The following RANBP2 variants were observed in gnomAD, a reference collection of about 807,000 sequenced individuals.
RANBP2 encodes the protein E3 SUMO-protein ligase RanBP2.
Under a neutral mutation model 303.6 loss-of-function variants are expected in RANBP2, and 57 were observed. The observed-to-expected ratio is 0.19, with a 90% CI of 0.15 to 0.23. The LOEUF is 0.23. Ranked by LOEUF, RANBP2 falls within the 10% of genes least tolerant of loss-of-function variation. RANBP2 has a pLI of 1.00. For synonymous variants in RANBP2, 1,167 were observed against 1,301.5 expected (o/e 0.90, Z 2.23); for missense variants, 3,138 against 3,780.8 (o/e 0.83, Z 4.46).
In RANBP2 at chr2:108,724,948, G is replaced by C. The variant is rs186695447; in HGVS notation, c.73-4184G>C. Among the ~76,000 whole-genome samples the C allele has an allele frequency of 2.4e-4, 36 of 152,204 alleles. No individual in the cohort carries two copies. The East Asian group carries it at 6.9e-3, about 29-fold the overall frequency. On this transcript the variant is annotated intron_variant, in intron 1 of 28. Transcript: ENST00000283195. ...ATTTGACTGTGCAAGATGGGCGACA[G>C]AGTGAGACTCCATCTGAATTAAAAA...
At chr2:108,725,418 T>G (rs550241800) in intron 1 of RANBP2, among the ~76,000 whole-genome samples, 2 of 152,178 alleles carry the variant, frequency 1.3e-5, no homozygotes, top group Non-Finnish European at 2.9e-5. Flanking sequence ...ATGGAATTAT[T>G]TTTCTATTAT....
the RANBP2 span, among the ~76,000 whole-genome samples, chr2:108,862,988 T>C: frequency 6.6e-6 from 1 of 152,220 alleles, no homozygotes; most frequent in Non-Finnish European, 1.5e-5. Flanking sequence ...TCAAAAACTT[T>C]GGACTATACT....
At chr2:108,843,879 T>TGTGTGTGTGTGTGTGTGTGTGTG in the RANBP2 span, among the ~76,000 whole-genome samples, 1 of 126,204 alleles carries the variant, frequency 7.9e-6, no homozygotes, top group Non-Finnish European at 1.7e-5. Context: ...TGTGTGTGTG[T>TGTGTGTGTGTGTGTGTGTGTGTG]TTCTTTCTTT....
At chr2:109,422,267 C>T in the RANBP2 span, among the ~76,000 whole-genome samples, 4 of 152,214 alleles carry the variant, frequency 2.6e-5, no homozygotes, top group African/African-American at 9.6e-5. Context: ...AGCCAGGGCC[C>T]AGATGGGGCT....
At chr2:109,333,948 G>T in the RANBP2 span, among the ~76,000 whole-genome samples, 2,730 of 152,300 alleles carry the variant, frequency 0.018, 98 homozygotes, top group African/African-American at 0.063. Flanking sequence ...ATGAGGACAT[G>T]CTCAGAGTAC....
the RANBP2 span, chr2:108,873,622 G>A: frequency 6.9e-7 from 1 of 1,447,080 alleles, no homozygotes; most frequent in Non-Finnish European, 9.6e-7. Flanking sequence ...ATTTTTTATT[G>A]AAAAATACCT....
the RANBP2 span, among the ~76,000 whole-genome samples, chr2:109,193,596 C>T: frequency 3.9e-4 from 60 of 152,054 alleles, 1 homozygote; most frequent in Non-Finnish European, 7.5e-4. Flanking sequence ...TTTTTTAATG[C>T]TGCATAGTAT....
the RANBP2 span, among the ~76,000 whole-genome samples, chr2:108,980,439 T>C: frequency 2.6e-5 from 4 of 152,140 alleles, no homozygotes; most frequent in African/African-American, 4.8e-5. Context: ...CTAATACTTA[T>C]TACTCACCAA....
chr2:109,231,906 A>G, the RANBP2 span, among the ~76,000 whole-genome samples: 148 of 152,330 alleles, frequency 9.7e-4, no homozygotes, highest in Non-Finnish European at 1.6e-3. Context: ...GCCCTTTTAA[A>G]GTGTTCAACC....
chr2:109,671,892 A>C, the RANBP2 span, among the ~76,000 whole-genome samples: 5 of 150,538 alleles, frequency 3.3e-5, no homozygotes, highest in Non-Finnish European at 7.4e-5. Context: ...TTTGATTCCC[A>C]CACCTGTTTT....
the RANBP2 span, among the ~76,000 whole-genome samples, chr2:108,795,759 A>G: frequency 6.6e-6 from 1 of 152,170 alleles, no homozygotes; most frequent in Non-Finnish European, 1.5e-5. Context: ...ATTGGAAATG[A>G]GAGGTGTTCT....
chr2:109,145,247 A>G, the RANBP2 span, among the ~76,000 whole-genome samples: 2 of 152,076 alleles, frequency 1.3e-5, no homozygotes, highest in Non-Finnish European at 1.5e-5. Context: ...TCCCCAGTCC[A>G]TCTGTGCCTG....
the RANBP2 span, among the ~76,000 whole-genome samples, chr2:109,389,687 G>A: frequency 6.6e-6 from 1 of 152,132 alleles, no homozygotes; most frequent in African/African-American, 2.4e-5. Context: ...TTTGTGTATG[G>A]CTATTTTATA....
the RANBP2 span, among the ~76,000 whole-genome samples, chr2:109,187,143 T>C: frequency 6.7e-6 from 1 of 149,838 alleles, no homozygotes; most frequent in Non-Finnish European, 1.5e-5. Context: ...CACAGGACTC[T>C]GTCCCCACGG....
the RANBP2 span, chr2:109,129,352 TCCC>T: frequency 2.3e-6 from 2 of 871,224 alleles, no homozygotes; most frequent in Non-Finnish European, 3.5e-6. Flanking sequence ...CGCAGGCCGG[TCCC>T]CGCCACGCAG....
chr2:108,930,101 AG>A, the RANBP2 span: 1 of 1,609,976 alleles, frequency 6.2e-7, no homozygotes, highest in African/African-American at 1.3e-5. Context: ...ACCAGGCTCC[AG>A]GAGGGCTGGG....
chr2:108,763,104 A>ATG (rs1676852684), intron 19 of RANBP2, 133 bp from the exon 20 acceptor site: 1 of 1,066,154 alleles, frequency 9.4e-7, no homozygotes, highest in Non-Finnish European at 1.4e-6. Flanking sequence ...CGGGTTAATG[A>ATG]TGTGTACTAC....
At chr2:109,336,392 T>A in the RANBP2 span, among the ~76,000 whole-genome samples, 2 of 152,240 alleles carry the variant, frequency 1.3e-5, no homozygotes, top group Admixed American at 1.3e-4. Flanking sequence ...AATAACTGGA[T>A]TGACTCACTA....
the RANBP2 span, among the ~76,000 whole-genome samples, chr2:109,597,533 A>G: frequency 6.6e-6 from 1 of 152,214 alleles, no homozygotes; most frequent in African/African-American, 2.4e-5. Context: ...GTTTCAACGC[A>G]CAAGGGGGTA....
Sources: gnomAD v4.1 joint callset for allele counts (sites outside exome capture counted in the v4.1 genomes callset) on GRCh38, gnomAD v4.1.1 for gene constraint, MANE v1.5 for transcripts, NCBI Gene and HGNC (gene_info 2026-07-23, HGNC 2026-07-21) for gene names.